Variants in NBPF12 observed in about 807,000 individuals in gnomAD.
The protein encoded by NBPF12 is NBPF member 12.
NBPF12 carries 115 observed loss-of-function variants against 146.4 expected under a neutral mutation model. The observed-to-expected ratio is 0.79, with a 90% CI of 0.68 to 0.92. The LOEUF is 0.92. Among genes scored for constraint, NBPF12 ranks in the 40% least tolerant of loss-of-function variants. NBPF12 has a pLI of 0.00. For synonymous variants in NBPF12, 385 were observed against 508.9 expected (o/e 0.76, Z 3.28); for missense variants, 1,205 against 1,326.8 (o/e 0.91, Z 1.43).
rs1656045409 is a variant in NBPF12 at position 146,964,224 on chromosome 1, A to G, written c.494-133A>G. The G allele has an allele frequency of 7.9e-5, 112 of 1,410,926 alleles. No homozygotes were observed. The South Asian group carries it at 1.3e-3, about 17-fold the overall frequency. The allele number at this position is 1,410,926 out of a possible 1,614,324, so 87.4% of individuals were successfully genotyped here. ...GGAAACCATGCCAGAGCATTTTGTG[A>G]AGGATAAAACATGAGAGTTTTCAGT... On this transcript the variant is annotated intron_variant, in intron 6 of 33. Coordinates refer to ENST00000617844, the Ensembl canonical transcript of NBPF12.
At chr1:146,968,901 T>G (rs1413740903) in intron 10 of NBPF12, among the ~76,000 whole-genome samples, 1 of 151,318 alleles carries the variant, frequency 6.6e-6, no homozygotes, top group Non-Finnish European at 1.5e-5. Context: ...AATCACCTCC[T>G]GACTGACTGC....
rs2101839064 is a variant in NBPF12, at chr1:146,958,344, A to G, written c.-183-1515A>G. Among the ~76,000 whole-genome samples the G allele has an allele frequency of 1.5e-5, 2 of 134,766 alleles. 1 individual carries two copies. The highest frequency in any genetic ancestry group is 4.9e-4 in the East Asian group (2 of 4,056). 88.4% of individuals were successfully genotyped at this position (134,766 alleles called of 152,430 possible). A position where few individuals can be genotyped will look rare whatever the true frequency, so the allele number is the denominator to read the frequency against. ...TGAGTGAAATAATATTTGTTGTTTT[A>G]AACAGTTAATATTAACCACTCTCCA... On this transcript the variant is annotated intron_variant, in intron 2 of 33. Transcript: ENST00000617844.
intron 33 of NBPF12, among the ~76,000 whole-genome samples, 160 bp from the exon 37 acceptor site, chr1:146,994,172 C>T (rs1430843523): frequency 8.5e-5 from 12 of 141,984 alleles, no homozygotes; most frequent in Non-Finnish European, 1.8e-4. Flanking sequence ...TCTACCTGGC[C>T]CTGTTCTATC....
chr1:146,948,326 AAGAG>A (rs1655162167), upstream of NBPF12, among the ~76,000 whole-genome samples: 3 of 151,876 alleles, frequency 2.0e-5, no homozygotes, highest in Admixed American at 6.6e-5. Flanking sequence ...GGGGAAAAGA[AAGAG>A]AGATCAGATT....
intron 20 of NBPF12, among the ~76,000 whole-genome samples, chr1:146,983,932 GA>G (rs1657544442): frequency 6.8e-6 from 1 of 146,466 alleles, no homozygotes; most frequent in Non-Finnish European, 1.5e-5. Context: ...CAACACAGGG[GA>G]ATTTTGCCCA....
chr1:146,994,413 G>A (rs1258757486), exon 34 of NBPF12: 5 of 1,612,146 alleles, frequency 3.1e-6, no homozygotes, highest in Non-Finnish European at 4.2e-6. Context: ...CTCCATCAAT[G>A]TACTTTGAAC....
At position 146,970,878 on chromosome 1, in the gene NBPF12, C is replaced by A. The variant is rs1258145869; in HGVS notation, c.1379+159C>A. Among the ~76,000 whole-genome samples, 281 of 151,610 alleles carry A rather than the reference C, an allele frequency of 1.9e-3. 1 individual carries two copies. The highest frequency in any genetic ancestry group is 3.4e-3 in the Non-Finnish European group (234 of 67,998). ...CTTAGACACAGGGTGTGGCAGCTGTCGTGTTTCTGTATGTGTGCCAAGTGT... is the reference window on the plus strand; with the variant it reads ...CTTAGACACAGGGTGTGGCAGCTGTAGTGTTTCTGTATGTGTGCCAAGTGT... On this transcript the variant is annotated intron_variant, in intron 12 of 33. Transcript: ENST00000617844.
chr1:146,945,576 G>T, upstream of NBPF12, among the ~76,000 whole-genome samples: 1 of 150,914 alleles, frequency 6.6e-6, no homozygotes, highest in Non-Finnish European at 1.5e-5. Context: ...AACAATAACA[G>T]GATGCCACCA....
chr1:146,972,076 A>G (rs1338463570), intron 13 of NBPF12, among the ~76,000 whole-genome samples: 13 of 137,606 alleles, frequency 9.4e-5, no homozygotes, highest in East Asian at 6.4e-4. Flanking sequence ...AGACAGAGCG[A>G]GACTCCATCT....
In NBPF12 at chr1:146,961,067, A is replaced by G. The variant is rs1262617399; in HGVS notation, c.175+749A>G. Among the ~76,000 whole-genome samples, 3 of 152,036 alleles carry G rather than the reference A, an allele frequency of 2.0e-5. 1 individual carries two copies. Among genetic ancestry groups the G allele is most frequent in the African/African-American group, 4.8e-5 (2 of 41,338 alleles). ...TGGCTGAGGCAGAAGAAGCCTTTGAACCCAGCAGGCAGGTGTTGCAGTGAG... is the reference window on the plus strand; with the variant it reads ...TGGCTGAGGCAGAAGAAGCCTTTGAGCCCAGCAGGCAGGTGTTGCAGTGAG... On this transcript the variant is annotated intron_variant, in intron 4 of 33. Transcript: ENST00000617844.
Position 146,964,988 on chromosome 1 carries a change from T to G in NBPF12, c.662T>G (p.Ile221Ser), listed in dbSNP as rs1553885410. Residue 221 changes from isoleucine to serine, a missense_variant, in exon 8 of 34, where the codon ATC (isoleucine) becomes AGC (serine). Transcript: ENST00000617844. The stretch of plus-strand genomic sequence containing the variant: ...AATAGCCACGGCCCTTGTGACTCCA[T>G]CCAGCCTCACAAGAACATCAAAATC... 3.2e-5 allele frequency: 51 copies of G among 1,590,324 alleles called. No individual in the cohort carries two copies. The East Asian group carries it at 1.1e-3, about 35-fold the overall frequency.
intron 8 of NBPF12, among the ~76,000 whole-genome samples, chr1:146,965,472 T>C (rs1463858814): frequency 1.3e-5 from 2 of 151,170 alleles, no homozygotes; most frequent in Non-Finnish European, 2.9e-5. Flanking sequence ...CTCTTTTTCA[T>C]TGGCTTGTCT....
At chr1:146,971,260 A>C in exon 13 of NBPF12, 1 of 1,612,452 alleles carries the variant, frequency 6.2e-7, no homozygotes, top group Non-Finnish European at 8.5e-7. Flanking sequence ...TCAAATAGCC[A>C]CGGCCCTTGT....
chr1:146,962,639 T>C (rs1655927825), intron 5 of NBPF12, among the ~76,000 whole-genome samples: 1 of 151,062 alleles, frequency 6.6e-6, no homozygotes, highest in East Asian at 1.9e-4. Context: ...ATTCTTTCAC[T>C]CAATCAATGT....
upstream of NBPF12, among the ~76,000 whole-genome samples, chr1:146,945,179 G>A (rs1421875422): frequency 1.6e-5 from 2 of 121,882 alleles, no homozygotes; most frequent in East Asian, 4.6e-4. Flanking sequence ...TTTCCTTTTT[G>A]TTCTACTATT....
chr1:146,944,884 C>T (rs1256501211), upstream of NBPF12, among the ~76,000 whole-genome samples: 10 of 139,952 alleles, frequency 7.1e-5, no homozygotes, highest in African/African-American at 1.7e-4. Context: ...CCCTTCCACC[C>T]TCCCTCCCTT....
intron 13 of NBPF12, among the ~76,000 whole-genome samples, chr1:146,971,749 ACT>A (rs1238347343): frequency 1.5e-4 from 23 of 150,366 alleles, no homozygotes; most frequent in African/African-American, 5.4e-4. Flanking sequence ...CTCAGGCTAG[ACT>A]CTCTCTCCTT....
exon 28 of NBPF12, chr1:146,989,633 G>T: frequency 6.2e-7 from 1 of 1,607,784 alleles, no homozygotes. Context: ...TCACTGGATA[G>T]ATGGTATTCG....
At chr1:146,976,802 A>T (rs1160449867) in intron 16 of NBPF12, 127 bp from the exon 20 acceptor site, 2 of 568,150 alleles carry the variant, frequency 3.5e-6, no homozygotes, top group Admixed American at 3.1e-5. Flanking sequence ...TTAAAGATAA[A>T]ACATGAGAGT....
Sources: allele counts gnomAD v4.1 joint callset (sites outside exome capture counted in the v4.1 genomes callset), GRCh38; gene constraint gnomAD v4.1.1; transcripts MANE v1.5; gene names NCBI Gene and HGNC (gene_info 2026-07-23, HGNC 2026-07-21).